Variants in CEP290 observed in about 807,000 individuals in gnomAD.
The protein encoded by CEP290 is centrosomal protein of 290 kDa.
A neutral mutation model predicts 344.9 loss-of-function variants in CEP290; 317 were observed. That is an observed-to-expected ratio of 0.92 (90% CI 0.84 to 1.01). The LOEUF is 1.01. CEP290 is among the 50% of genes least tolerant of loss of function. The pLI is 0.00. For missense variants in CEP290, 2,754 were observed against 2,761.4 expected (o/e 1.00, Z 0.06); for synonymous variants, 932 against 895.8 (o/e 1.04, Z -0.72).
intron 30 of CEP290, 110 bp from the exon 31 acceptor site, chr12:88,089,597 CA>C: frequency 4.5e-6 from 3 of 670,782 alleles, no homozygotes; most frequent in South Asian, 4.0e-5. Flanking sequence ...CACAGTGGCA[CA>C]TGAGATCTAC....
intron 31 of CEP290, 50 bp downstream of exon 31, chr12:88,088,982 C>T: frequency 7.5e-7 from 1 of 1,325,072 alleles, no homozygotes; most frequent in Admixed American, 2.6e-5. Flanking sequence ...GCCTGGGAAA[C>T]AGATCAAGAT....
Position 88,079,139 on chromosome 12 carries a change from G to A in CEP290, c.5317C>T (p.His1773Tyr), listed in dbSNP as rs1280193964. 6.3e-7 allele frequency: 1 copy of A among 1,597,994 alleles called. No individual in the cohort carries two copies. Among genetic ancestry groups the A allele is most frequent in the Admixed American group, 1.7e-5 (1 of 57,324 alleles). ...TCAACGATTTGTTGAACATTGAGAT[G>A]GGCCTCTTTTTGAGAAGTTGCAGAA... ...IISATSQKEA[H>Y]LNVQQIVDRH... The change falls in exon 39 of 54, where the codon CAT becomes TAT. Residue 1773 changes from histidine to tyrosine, a missense_variant. Coordinates refer to ENST00000552810, the MANE Select transcript of CEP290 (RefSeq NM_025114.4).
Position 88,136,692 on chromosome 12 carries a change from A to C in CEP290, c.392T>G (p.Leu131Trp), listed in dbSNP as rs1024695999. Residue 131 changes from leucine to tryptophan, a missense_variant, in exon 6 of 54, where the codon TTG becomes TGG. Coordinates refer to ENST00000552810, the MANE Select transcript of CEP290 (RefSeq NM_025114.4). ...EKQLEQKDRELEDMEKELEKE... is the reference protein window; with the variant it reads ...EKQLEQKDREWEDMEKELEKE... Reference sequence around the variant, plus strand: ...CTCCAACTCCTTTTCCATGTCCTCCAATTCTCTATCTTTTTGTTCTAATTG... The same window carrying C: ...CTCCAACTCCTTTTCCATGTCCTCCCATTCTCTATCTTTTTGTTCTAATTG... 3 of 1,613,548 alleles carry C rather than the reference A, an allele frequency of 1.9e-6. No individual in the cohort carries two copies. The African/African-American group carries it at 4.0e-5, about 22-fold the overall frequency.
In CEP290 at chr12:88,117,097, T is replaced by A; in HGVS notation, c.1760A>T (p.Asp587Val). 2 of 1,562,370 alleles carry A rather than the reference T, an allele frequency of 1.3e-6. No individual in the cohort carries two copies. The highest frequency in any genetic ancestry group is 2.3e-5 in the East Asian group (1 of 43,124). ...LNLTENISQG[D>V]RISERKLDLL... ...ATCCAATTTTCTTTCACTTATTCTA[T>A]CTCCTTGAGAAATGTTTTCAGTTAG... Residue 587 changes from aspartate to valine, a missense_variant, in exon 18 of 54, where the codon GAT (aspartate) becomes GTT (valine). Transcript: ENST00000552810.
chr12:88,094,778 G>T (rs1292372589), intron 27 of CEP290, among the ~76,000 whole-genome samples: 3 of 151,996 alleles, frequency 2.0e-5, no homozygotes, highest in Non-Finnish European at 4.4e-5. Context: ...GATGTGTTTA[G>T]GGTAGCCAAT....
intron 41 of CEP290, among the ~76,000 whole-genome samples, chr12:88,076,862 C>G (rs1213663434): frequency 6.6e-6 from 1 of 151,918 alleles, no homozygotes; most frequent in African/African-American, 2.4e-5. Flanking sequence ...TCCCAAAAGT[C>G]AAAAGCACCA....
intron 17 of CEP290, among the ~76,000 whole-genome samples, chr12:88,117,529 T>TCCA (rs1438322292): frequency 5.9e-5 from 9 of 152,198 alleles, no homozygotes; most frequent in African/African-American, 2.2e-4. Context: ...ATAGAAATCA[T>TCCA]AATGCTAAAA....
At chr12:88,116,404 G>A (rs1019929354) in intron 18 of CEP290, among the ~76,000 whole-genome samples, 4 of 152,108 alleles carry the variant, frequency 2.6e-5, no homozygotes, top group African/African-American at 9.7e-5. Flanking sequence ...TCTACACTAT[G>A]GTGAATTTCA....
At chr12:88,114,690 A>G (rs998056053) in intron 19 of CEP290, 128 bp from the exon 20 acceptor site, 3 of 830,550 alleles carry the variant, frequency 3.6e-6, no homozygotes, top group African/African-American at 3.6e-5. Flanking sequence ...AAATAAACAT[A>G]CAAAAAAATT....
intron 37 of CEP290, among the ~76,000 whole-genome samples, chr12:88,081,582 A>C (rs1465445812): frequency 6.6e-6 from 1 of 152,180 alleles, no homozygotes; most frequent in African/African-American, 2.4e-5. Flanking sequence ...GGCAAAACTT[A>C]AGTCTAACTT....
rs1592613037 is a variant in CEP290 at position 88,113,137 on chromosome 12, T to C, written c.2053-1279A>G. The stretch of plus-strand genomic sequence containing the variant: ...CCCGGATAAAAGTAAATGAAGTCTA[T>C]GCAAACAGTGGCTTCAGGAAGGTCC... On this transcript the variant is annotated intron_variant, in intron 20 of 53. Coordinates refer to ENST00000552810, the MANE Select transcript of CEP290 (RefSeq NM_025114.4). Among the ~76,000 whole-genome samples, 5 of 152,102 alleles carry C rather than the reference T, an allele frequency of 3.3e-5. No homozygotes were observed. The East Asian group carries it at 9.6e-4, about 29-fold the overall frequency.
intron 5 of CEP290, among the ~76,000 whole-genome samples, chr12:88,138,665 G>A (rs1023054683): frequency 6.6e-6 from 1 of 151,940 alleles, no homozygotes; most frequent in African/African-American, 2.4e-5. Flanking sequence ...CTCTTCCCAC[G>A]CTCATCCACT....
At position 88,128,998 on chromosome 12, in the gene CEP290, T is replaced by C; in HGVS notation, c.890A>G (p.Glu297Gly). The change falls in exon 11 of 54, where the codon GAA becomes GGA. Residue 297 changes from glutamate (E) to glycine (G), a missense_variant. Coordinates refer to ENST00000552810, the MANE Select transcript of CEP290 (RefSeq NM_025114.4). ...AGCTACCATAATTGGATCATCTTCT[T>C]CATTTTTTGATTTCAGAAGATCTGT... ...ELTDLLKSKNEEDDPIMVAVN... is the reference protein window; with the variant it reads ...ELTDLLKSKNGEDDPIMVAVN... 1.3e-6 allele frequency: 2 copies of C among 1,538,300 alleles called. No homozygotes were observed. The highest frequency in any genetic ancestry group is 1.7e-6 in the Non-Finnish European group (2 of 1,152,612).
At chr12:88,051,035 A>G (rs1000635470) in intron 52 of CEP290, among the ~76,000 whole-genome samples, 2 of 152,124 alleles carry the variant, frequency 1.3e-5, no homozygotes, top group African/African-American at 4.8e-5. Flanking sequence ...CAGCAGGCAA[A>G]TAGGATTTTT....
intron 41 of CEP290, among the ~76,000 whole-genome samples, chr12:88,074,494 A>T (rs147087511): frequency 6.6e-6 from 1 of 152,296 alleles, no homozygotes; most frequent in African/African-American, 2.4e-5. Flanking sequence ...GAATGGTACC[A>T]TGGGTATTGT....
chr12:88,104,917 C>T (rs902158099), intron 25 of CEP290, among the ~76,000 whole-genome samples: 1 of 152,014 alleles, frequency 6.6e-6, no homozygotes, highest in African/African-American at 2.4e-5. Flanking sequence ...TAGTAAAAAT[C>T]CGATACTATT....
chr12:88,058,645 A>G, intron 49 of CEP290: 1 of 605,764 alleles, frequency 1.7e-6, no homozygotes, highest in South Asian at 2.1e-5. Flanking sequence ...TGCCACCCAA[A>G]CAAGGTTAAA....
chr12:88,129,143 CACAT>C (rs1313548823), intron 10 of CEP290, 108 bp from the exon 11 acceptor site: 1 of 431,804 alleles, frequency 2.3e-6, no homozygotes, highest in Non-Finnish European at 3.6e-6. Flanking sequence ...TACATACACA[CACAT>C]ACGTATTCAT....
rs1157642695 is a variant in CEP290, at chr12:88,130,647, AAC to A, written c.496-84_496-83del. ...AAAATAATAATCAGAAACTAAAGAA[AAC>A]AAAAAAATTTTGGGAAAATGATGCA... On this transcript the variant is annotated intron_variant, in intron 7 of 53. Transcript: ENST00000552810. The A allele has an allele frequency of 4.5e-6, 6 of 1,336,784 alleles. No homozygotes were observed. In the Admixed American group the frequency reaches 9.9e-5, roughly 22 times the overall value. 82.8% of individuals were successfully genotyped at this position (1,336,784 alleles called of 1,614,324 possible). A position where few individuals can be genotyped will look rare whatever the true frequency, so the allele number is the denominator to read the frequency against.
Sources: allele counts gnomAD v4.1 joint callset (sites outside exome capture counted in the v4.1 genomes callset), GRCh38; gene constraint gnomAD v4.1.1; transcripts MANE v1.5; gene names NCBI Gene and HGNC (gene_info 2026-07-23, HGNC 2026-07-21).